ENTHD1: variants seen among roughly 807,000 people sequenced by gnomAD.
ENTHD1 encodes ENTH domain-containing protein 1.
ENTHD1 carries 23 observed loss-of-function variants against 39.1 expected under a neutral mutation model. The observed-to-expected ratio is 0.59, with a 90% CI of 0.42 to 0.83. The LOEUF is 0.83. Ranked by LOEUF, ENTHD1 falls within the 40% of genes least tolerant of loss-of-function variation. The pLI is 0.00. For missense variants in ENTHD1, 624 were observed against 705.4 expected (o/e 0.88, Z 1.31); for synonymous variants, 230 against 258.2 (o/e 0.89, Z 1.05).
intron 5 of ENTHD1, among the ~76,000 whole-genome samples, chr22:39,775,025 A>C (rs2065355919): frequency 6.6e-6 from 1 of 152,196 alleles, no homozygotes; most frequent in African/African-American, 2.4e-5. Flanking sequence ...CAACCTCCTT[A>C]GTGAAATATT....
At chr22:39,812,776 T>G (rs1213855451) in intron 5 of ENTHD1, among the ~76,000 whole-genome samples, 1 of 152,098 alleles carries the variant, frequency 6.6e-6, no homozygotes, top group Non-Finnish European at 1.5e-5. Context: ...ATTGGATCCC[T>G]TTGTCTTTTT....
chr22:39,869,297 A>G (rs1453725451), intron 2 of ENTHD1, among the ~76,000 whole-genome samples: 2 of 152,186 alleles, frequency 1.3e-5, no homozygotes, highest in Non-Finnish European at 2.9e-5. Flanking sequence ...AAAGAATGAA[A>G]TCATGTCCTT....
At chr22:39,870,363 A>G (rs1031584202) in intron 2 of ENTHD1, among the ~76,000 whole-genome samples, 1 of 152,148 alleles carries the variant, frequency 6.6e-6, no homozygotes, top group Non-Finnish European at 1.5e-5. Context: ...AGAGGCAACA[A>G]GATTAAAAAG....
At chr22:39,785,840 T>C (rs1306244107) in intron 5 of ENTHD1, among the ~76,000 whole-genome samples, 2 of 152,108 alleles carry the variant, frequency 1.3e-5, no homozygotes, top group African/African-American at 2.4e-5. Context: ...TCATCTGGGG[T>C]CTCAGGAGTG....
At chr22:39,803,397 T>C (rs1423412035) in intron 5 of ENTHD1, among the ~76,000 whole-genome samples, 1 of 152,096 alleles carries the variant, frequency 6.6e-6, no homozygotes, top group Non-Finnish European at 1.5e-5. Context: ...AAGTTGTTGC[T>C]CCCATCATTG....
chr22:39,790,195 G>A (rs1003469036), intron 5 of ENTHD1, among the ~76,000 whole-genome samples: 5 of 152,162 alleles, frequency 3.3e-5, no homozygotes, highest in African/African-American at 1.2e-4. Context: ...GGAATGGCAT[G>A]GTATGTCTTC....
At chr22:39,875,952 G>A in intron 2 of ENTHD1, 3 of 1,613,914 alleles carry the variant, frequency 1.9e-6, no homozygotes, top group Non-Finnish European at 1.7e-6. Flanking sequence ...ACTCATCTTG[G>A]TTGTGTACCC....
intron 3 of ENTHD1, among the ~76,000 whole-genome samples, chr22:39,854,767 C>T (rs888236579): frequency 1.3e-5 from 2 of 151,974 alleles, no homozygotes; most frequent in Non-Finnish European, 2.9e-5. Context: ...TGCCTCTTTT[C>T]CCTTGCTGAT....
At chr22:39,828,948 C>T (rs1209643292) in intron 4 of ENTHD1, among the ~76,000 whole-genome samples, 1 of 152,134 alleles carries the variant, frequency 6.6e-6, no homozygotes, top group Non-Finnish European at 1.5e-5. Context: ...ATTTTTCTTT[C>T]ATTTATAAAA....
intron 5 of ENTHD1, among the ~76,000 whole-genome samples, chr22:39,772,937 T>C (rs1048874757): frequency 5.3e-5 from 8 of 151,788 alleles, no homozygotes; most frequent in African/African-American, 1.7e-4. Flanking sequence ...CAAACATAAA[T>C]GTATATATGC....
chr22:39,841,123 A>G (rs550414433), intron 3 of ENTHD1, among the ~76,000 whole-genome samples: 19 of 152,364 alleles, frequency 1.2e-4, no homozygotes, highest in Admixed American at 1.1e-3. Flanking sequence ...ACAGAAAAGT[A>G]ACAAGAATAG....
intron 6 of ENTHD1, among the ~76,000 whole-genome samples, chr22:39,764,303 A>C (rs1471875657): frequency 1.3e-5 from 2 of 151,792 alleles, no homozygotes; most frequent in Admixed American, 6.6e-5. Flanking sequence ...GCAAGACCCC[A>C]CCTCCACACA....
At chr22:39,848,709 A>T (rs2066011044) in intron 3 of ENTHD1, among the ~76,000 whole-genome samples, 1 of 152,168 alleles carries the variant, frequency 6.6e-6, no homozygotes, top group Admixed American at 6.5e-5. Flanking sequence ...GGCAAGGGTC[A>T]TGGGGCTTAT....
In ENTHD1 at chr22:39,861,878, C is replaced by G. The variant is rs2066143869; in HGVS notation, c.479G>C (p.Arg160Thr). 1.0e-5 allele frequency: 16 copies of G among 1,605,922 alleles called. 1 individual carries two copies. Among genetic ancestry groups the G allele is most frequent in the Middle Eastern group, 3.3e-4 (2 of 6,032 alleles). The part of the protein sequence containing the change: ...RTSHSILFSK[R>T]QLGSSNSLTA... The stretch of plus-strand genomic sequence containing the variant: ...CAGTGAGTTACTTGAACCAAGTTGT[C>G]TTTTAGAAAACAATATAGAGTGGGA... Residue 160 changes from arginine to threonine, a missense_variant, in exon 3 of 7, where the codon AGA becomes ACA. By Grantham distance (71) the Arg-to-Thr change is moderately conservative. Transcript: ENST00000325157.
chr22:39,888,433 A>AT lies in ENTHD1; in HGVS notation c.-155-531dup, dbSNP rs889310416. ...TAGGTGTGCGCCACCATGCCTGGCTATTTTTTTTTTTGGAGATAGAGTCTC... is the reference window on the plus strand; with the variant it reads ...TAGGTGTGCGCCACCATGCCTGGCTATTTTTTTTTTTTGGAGATAGAGTCTC... On this transcript the variant is annotated intron_variant, in intron 1 of 6. Coordinates refer to ENST00000325157, the MANE Select transcript of ENTHD1 (RefSeq NM_152512.4). 7.5e-3 allele frequency among the ~76,000 whole-genome samples: 1,072 copies of AT among 143,264 alleles called. 5 individuals carry two copies. The highest frequency in any genetic ancestry group is 0.015 in the Middle Eastern group (4 of 274). 94.0% of individuals were successfully genotyped at this position (143,264 alleles called of 152,430 possible).
intron 5 of ENTHD1, among the ~76,000 whole-genome samples, chr22:39,808,053 T>C (rs1440517974): frequency 2.0e-5 from 3 of 152,194 alleles, no homozygotes; most frequent in Admixed American, 2.0e-4. Flanking sequence ...CCTAGTTCTG[T>C]GACTGAGGGC....
In ENTHD1 at chr22:39,875,248, T is replaced by C. The variant is rs571172988; in HGVS notation, c.349+12152A>G. ...CACATACGGTATGCTTCCATTTATATAAATTTTAAGAACAAATGCAACAAA... is the reference window on the plus strand; with the variant it reads ...CACATACGGTATGCTTCCATTTATACAAATTTTAAGAACAAATGCAACAAA... On this transcript the variant is annotated intron_variant, in intron 2 of 6. Transcript: ENST00000325157. 3.9e-5 allele frequency: 45 copies of C among 1,165,260 alleles called. No homozygotes were observed. In the Middle Eastern group the frequency reaches 9.8e-4, roughly 25 times the overall value. 72.2% of individuals were successfully genotyped at this position (1,165,260 alleles called of 1,614,324 possible).
intron 5 of ENTHD1, among the ~76,000 whole-genome samples, chr22:39,794,316 T>C (rs1431344640): frequency 6.6e-6 from 1 of 152,266 alleles, no homozygotes; most frequent in African/African-American, 2.4e-5. Context: ...TTTTGTATCC[T>C]GCAGCTTTAT....
chr22:39,787,351 A>G (rs1262935708), intron 5 of ENTHD1, among the ~76,000 whole-genome samples: 1 of 152,156 alleles, frequency 6.6e-6, no homozygotes, highest in African/African-American at 2.4e-5. Flanking sequence ...GTCTCTAAGT[A>G]TTCAAGTGAA....
Sources: allele counts gnomAD v4.1 joint callset (sites outside exome capture counted in the v4.1 genomes callset), GRCh38; gene constraint gnomAD v4.1.1; transcripts MANE v1.5; gene names NCBI Gene and HGNC (gene_info 2026-07-23, HGNC 2026-07-21).